Variants in NFATC1 observed in about 807,000 individuals in gnomAD.
NFATC1 encodes the protein nuclear factor of activated T cells 1.
Under a neutral mutation model 76.0 loss-of-function variants are expected in NFATC1, and 22 were observed. That is an observed-to-expected ratio of 0.29 (90% CI 0.21 to 0.41). The LOEUF is 0.41. Among genes scored for constraint, NFATC1 ranks in the 10% least tolerant of loss-of-function variants. The pLI is 1.00. For synonymous variants in NFATC1, 704 were observed against 613.1 expected (o/e 1.15, Z -2.19); for missense variants, 1,357 against 1,337.7 (o/e 1.01, Z -0.23).
At chr18:79,452,825 C>G (rs899965636) in intron 6 of NFATC1, among the ~76,000 whole-genome samples, 1 of 152,210 alleles carries the variant, frequency 6.6e-6, no homozygotes. Flanking sequence ...CCCCACAAGG[C>G]CTGTTTTGTG....
intron 6 of NFATC1, among the ~76,000 whole-genome samples, chr18:79,453,326 TC>T (rs1244221293): frequency 6.6e-6 from 1 of 152,062 alleles, no homozygotes; most frequent in Non-Finnish European, 1.5e-5. Flanking sequence ...TGGCAGAGCC[TC>T]CCCCCGAATG....
At chr18:79,472,375 A>C (rs2088823117) in intron 8 of NFATC1, among the ~76,000 whole-genome samples, 1 of 152,118 alleles carries the variant, frequency 6.6e-6, no homozygotes, top group Non-Finnish European at 1.5e-5. Context: ...CTGATTGCAG[A>C]CAAGCAGTTC....
At chr18:79,433,850 T>C in intron 3 of NFATC1, 112 bp downstream of exon 3, 1 of 1,368,630 alleles carries the variant, frequency 7.3e-7, no homozygotes, top group South Asian at 1.4e-5. Context: ...AGCTGAATGC[T>C]CTGTCGTGGT....
chr18:79,406,328 G>C (rs1375584313), intron 1 of NFATC1, among the ~76,000 whole-genome samples: 1 of 152,220 alleles, frequency 6.6e-6, no homozygotes, highest in Non-Finnish European at 1.5e-5. Flanking sequence ...TTGAGGTCTG[G>C]ACAGTGAGGG....
intron 9 of NFATC1, among the ~76,000 whole-genome samples, chr18:79,508,064 C>T (rs1734694812): frequency 6.6e-6 from 1 of 152,248 alleles, no homozygotes; most frequent in South Asian, 2.1e-4. Flanking sequence ...AAATTAAACT[C>T]TTGTTGACAT....
rs934715245 is a variant in NFATC1, at chr18:79,529,310, A to G, written c.*1733A>G. On this transcript the variant is annotated 3_prime_UTR_variant, in exon 10 of 10. Coordinates refer to ENST00000427363, the MANE Select transcript of NFATC1 (RefSeq NM_001278669.2). ...TAGGAAATAGATCCAATAAAGCCGT[A>G]TTTTTTTGCTGGACAGGCGTAGTCT... 1.3e-5 allele frequency: 2 copies of G among 152,192 alleles called. No homozygotes were observed. The highest frequency in any genetic ancestry group is 2.9e-5 in the Non-Finnish European group (2 of 68,030). 9.4% of individuals were successfully genotyped at this position (152,192 alleles called of 1,614,324 possible). A position where few individuals can be genotyped will look rare whatever the true frequency, so the allele number is the denominator to read the frequency against.
At chr18:79,444,737 A>C (rs73969266) in intron 3 of NFATC1, among the ~76,000 whole-genome samples, 20,114 of 140,344 alleles carry the variant, frequency 0.14, 1,790 homozygotes, top group African/African-American at 0.3. Context: ...CCGTGGGCAC[A>C]CACGTGCCCG....
At chr18:79,429,079 G>T (rs1232605378) in intron 2 of NFATC1, among the ~76,000 whole-genome samples, 1 of 152,076 alleles carries the variant, frequency 6.6e-6, no homozygotes, top group Non-Finnish European at 1.5e-5. Flanking sequence ...AAAATTAGCC[G>T]GTGTGGTGGT....
intron 3 of NFATC1, among the ~76,000 whole-genome samples, chr18:79,436,146 A>T (rs1350786744): frequency 6.6e-6 from 1 of 152,224 alleles, no homozygotes; most frequent in Non-Finnish European, 1.5e-5. Flanking sequence ...GTAACCGCAG[A>T]CGTGCCCTCG....
rs145057004 is a variant in NFATC1 at position 79,428,676 on chromosome 18, G to A, written c.1227-4903G>A. Among the ~76,000 whole-genome samples, 24 of 152,294 alleles carry A rather than the reference G, an allele frequency of 1.6e-4. No homozygotes were observed. The East Asian group carries it at 4.6e-3, about 29-fold the overall frequency. On this transcript the variant is annotated intron_variant, in intron 2 of 9. Coordinates refer to ENST00000427363, the MANE Select transcript of NFATC1 (RefSeq NM_001278669.2). ...GAATAAGCTAAAATGCTCAAAATGT[G>A]ATCTTTCTTTTATAAAAAGGCCAGG... is the stretch of plus-strand genomic sequence containing the variant.
rs116989867 is a variant in NFATC1 at position 79,412,316 on chromosome 18, C to G, written c.1226+815C>G. 2.6e-3 allele frequency among the ~76,000 whole-genome samples: 394 copies of G among 152,352 alleles called. 14 individuals are homozygous for G. In the East Asian group the frequency reaches 0.069, roughly 27 times the overall value. On this transcript the variant is annotated intron_variant, in intron 2 of 9. Coordinates refer to ENST00000427363, the MANE Select transcript of NFATC1 (RefSeq NM_001278669.2). ...TATCTGAGGCATGAAAACGTCCGTG[C>G]AGGAGGTCGAGGGCAGTGCCCCATG...
rs1346624395 is a variant in NFATC1, at chr18:79,524,648, C to T, written c.2783-2880C>T. On this transcript the variant is annotated intron_variant, in intron 9 of 9. Transcript: ENST00000427363. The surrounding 1 kb of genome is among the most constrained non-coding windows in gnomAD (Gnocchi z 7.2). ...TAGGCCTCGACAGCTCTCTTGAGGT[C>T]GGCCCTCCTCCCCTCCCGAGAGCTC... is the stretch of plus-strand genomic sequence containing the variant. Among the ~76,000 whole-genome samples, 2 of 152,240 alleles carry T rather than the reference C, an allele frequency of 1.3e-5. No individual in the cohort carries two copies. Among genetic ancestry groups the T allele is most frequent in the South Asian group, 4.1e-4 (2 of 4,832 alleles).
intron 8 of NFATC1, chr18:79,470,304 A>G (rs2088725813): frequency 6.6e-6 from 1 of 152,108 alleles, no homozygotes; most frequent in Non-Finnish European, 1.5e-5. Context: ...TCCCTTTTCT[A>G]CACCGTCATC....
intron 2 of NFATC1, among the ~76,000 whole-genome samples, chr18:79,411,995 G>A (rs558523191): frequency 1.2e-4 from 18 of 152,328 alleles, no homozygotes; most frequent in East Asian, 3.9e-4. Flanking sequence ...TCCCTGCCTC[G>A]GGTGCAGATG....
intron 3 of NFATC1, among the ~76,000 whole-genome samples, chr18:79,447,078 G>A (rs756038145): frequency 3.3e-5 from 5 of 152,096 alleles, no homozygotes; most frequent in Non-Finnish European, 4.4e-5. Context: ...GAGTTCAGCC[G>A]TCGCTTCACT....
intron 8 of NFATC1, among the ~76,000 whole-genome samples, chr18:79,477,633 C>T (rs546543473): frequency 6.2e-5 from 9 of 145,204 alleles, no homozygotes; most frequent in South Asian, 2.2e-4. Flanking sequence ...CACCACCGGC[C>T]GTACTGTTGG....
intron 9 of NFATC1, among the ~76,000 whole-genome samples, chr18:79,499,915 C>T (rs2089980033): frequency 6.6e-6 from 1 of 152,098 alleles, no homozygotes; most frequent in Non-Finnish European, 1.5e-5. Flanking sequence ...GATCTTAAAC[C>T]TGATACATTG....
chr18:79,460,567 AT>A (rs1568989326), intron 6 of NFATC1, among the ~76,000 whole-genome samples: 1 of 152,204 alleles, frequency 6.6e-6, no homozygotes, highest in Non-Finnish European at 1.5e-5. Flanking sequence ...GAGCCTTTTT[AT>A]TTTTTAAAAA....
chr18:79,514,481 G>A (rs577426549), intron 9 of NFATC1, among the ~76,000 whole-genome samples: 6 of 143,938 alleles, frequency 4.2e-5, no homozygotes, highest in African/African-American at 7.8e-5. Context: ...AGAAAGGATC[G>A]CATAAGCCTG....
Sources: allele counts gnomAD v4.1 joint callset (sites outside exome capture counted in the v4.1 genomes callset), GRCh38; gene constraint gnomAD v4.1.1; non-coding constraint Gnocchi (gnomAD v3.1); transcripts MANE v1.5; gene names NCBI Gene and HGNC (gene_info 2026-07-23, HGNC 2026-07-21).